VRK3: variants seen among roughly 807,000 people sequenced by gnomAD.
VRK3 encodes VRK serine/threonine kinase 3.
Under a neutral mutation model 60.4 loss-of-function variants are expected in VRK3, and 50 were observed. The observed-to-expected ratio is 0.83, with a 90% CI of 0.66 to 1.05. The LOEUF is 1.05. Among genes scored for constraint, VRK3 ranks in the 50% least tolerant of loss-of-function variants. VRK3 has a pLI of 0.00. For missense variants in VRK3, 549 were observed against 585.3 expected (o/e 0.94, Z 0.64); for synonymous variants, 246 against 227.8 (o/e 1.08, Z -0.72).
chr19:49,980,747 C>CA (rs976399888), intron 13 of VRK3, among the ~76,000 whole-genome samples: 2 of 150,532 alleles, frequency 1.3e-5, no homozygotes, highest in Non-Finnish European at 2.9e-5. Context: ...ACCCTGTCTT[C>CA]AAAAAAAAGT....
chr19:50,021,350 C>T (rs563669584), intron 1 of VRK3, among the ~76,000 whole-genome samples: 10 of 152,244 alleles, frequency 6.6e-5, no homozygotes, highest in Admixed American at 3.9e-4. Context: ...AATAGAGGAC[C>T]GGCAGCAGTA....
chr19:49,987,199 T>C (rs1209862524), intron 12 of VRK3, among the ~76,000 whole-genome samples: 1 of 152,180 alleles, frequency 6.6e-6, no homozygotes, highest in Non-Finnish European at 1.5e-5. Context: ...ATGTCTGAAG[T>C]GCATGCCTAG....
At position 49,997,505 on chromosome 19, in the gene VRK3, T is replaced by A; in HGVS notation, c.678A>T (p.Gln226His). The A allele has an allele frequency of 6.2e-7, 1 of 1,613,916 alleles. No homozygotes were observed. Among genetic ancestry groups the A allele is most frequent in the East Asian group, 2.2e-5 (1 of 44,870 alleles). The part of the protein sequence containing the change: ...NFFQRAAKPL[Q>H]VNKWKKLYST... The stretch of plus-strand genomic sequence containing the variant: ...CTTGCCCAGTTCCCTGTCAGGTACC[T>A]TGCAGAGGCTTGGCGGCCCGCTGGA... Residue 226 changes from glutamine to histidine, a missense_variant and splice_region_variant, in exon 7 of 15, where the codon CAA becomes CAT. Transcript: ENST00000316763.
chr19:49,977,739 T>C (rs2076354818), intron 14 of VRK3, among the ~76,000 whole-genome samples: 1 of 151,910 alleles, frequency 6.6e-6, no homozygotes, highest in Non-Finnish European at 1.5e-5. Flanking sequence ...CCTGGATAAC[T>C]GGGTACACGG....
intron 13 of VRK3, 36 bp downstream of exon 13, chr19:49,980,919 G>A (rs746346477): frequency 1.9e-5 from 30 of 1,590,380 alleles, no homozygotes; most frequent in Middle Eastern, 3.3e-4. Flanking sequence ...GGTCCTGCCC[G>A]AGTCCCCGCC....
chr19:49,981,739 G>A, intron 12 of VRK3: 2 of 1,013,914 alleles, frequency 2.0e-6, no homozygotes, highest in Non-Finnish European at 2.4e-6. Context: ...CAGGTCCTGG[G>A]GGCACACCGC....
chr19:49,980,012 C>T (rs938839921), intron 13 of VRK3, among the ~76,000 whole-genome samples: 3 of 151,680 alleles, frequency 2.0e-5, no homozygotes, highest in South Asian at 2.1e-4. Context: ...ATCACGCCAC[C>T]GCACTCCAGC....
At chr19:49,982,170 A>C in intron 12 of VRK3, 1 of 703,024 alleles carries the variant, frequency 1.4e-6, no homozygotes, top group Non-Finnish European at 2.6e-6. Flanking sequence ...GCTTACATTA[A>C]AATGAATCCC....
chr19:49,977,079 T>C (rs559566404), intron 14 of VRK3, among the ~76,000 whole-genome samples: 3 of 152,028 alleles, frequency 2.0e-5, no homozygotes, highest in African/African-American at 4.8e-5. Flanking sequence ...TCATGGAGGA[T>C]GGGGAAGGCC....
intron 3 of VRK3, among the ~76,000 whole-genome samples, chr19:50,013,040 G>C (rs60144067): frequency 7.2e-4 from 109 of 152,158 alleles, no homozygotes; most frequent in Middle Eastern, 3.4e-3. Flanking sequence ...GGTGGTGGGC[G>C]CCTGTAGTCC....
At chr19:50,002,778 T>A (rs2076831119) in intron 5 of VRK3, among the ~76,000 whole-genome samples, 1 of 152,100 alleles carries the variant, frequency 6.6e-6, no homozygotes, top group Admixed American at 6.5e-5. Flanking sequence ...CTCTAGACTC[T>A]GTGATCTAGG....
intron 14 of VRK3, chr19:49,978,866 C>A: frequency 2.2e-6 from 1 of 453,428 alleles, no homozygotes; most frequent in Admixed American, 3.8e-5. Flanking sequence ...AATCAATCCC[C>A]ACTTTTCTTA....
chr19:49,990,398 T>A (rs752199301), intron 10 of VRK3, among the ~76,000 whole-genome samples: 1 of 152,206 alleles, frequency 6.6e-6, no homozygotes, highest in Non-Finnish European at 1.5e-5. Flanking sequence ...ATCTACTTAT[T>A]TATTTTGAGA....
intron 1 of VRK3, among the ~76,000 whole-genome samples, chr19:50,024,590 C>T (rs1028723678): frequency 1.4e-4 from 21 of 152,186 alleles, no homozygotes; most frequent in Admixed American, 6.5e-4. Context: ...TTGTTTTAGA[C>T]ACTGCTATAA....
At chr19:49,988,321 G>T in intron 12 of VRK3, 51 bp downstream of exon 12, 1 of 1,556,548 alleles carries the variant, frequency 6.4e-7, no homozygotes, top group Non-Finnish European at 8.6e-7. Flanking sequence ...CTGTCCACCT[G>T]CAGGGGTTCT....
chr19:49,984,053 C>T (rs374488948), intron 12 of VRK3, among the ~76,000 whole-genome samples: 3 of 152,130 alleles, frequency 2.0e-5, no homozygotes, highest in Admixed American at 6.5e-5. Context: ...ACCATGTTGG[C>T]GAGTGCAGAC....
chr19:49,989,642 A>G lies in VRK3; in HGVS notation c.1093T>C (p.Cys365Arg). 1.2e-6 allele frequency: 2 copies of G among 1,607,832 alleles called. No individual in the cohort carries two copies. Among genetic ancestry groups the G allele is most frequent in the Non-Finnish European group, 1.7e-6 (2 of 1,175,894 alleles). The change falls in exon 11 of 15, where the codon TGC becomes CGC. Residue 365 changes from cysteine to arginine, a missense_variant. Physicochemically the swap from Cys to Arg is radical, Grantham distance 180. Coordinates refer to ENST00000316763, the MANE Select transcript of VRK3 (RefSeq NM_016440.4). ...EFISMDLHKGCGPSRRSDLQS... is the reference protein window; with the variant it reads ...EFISMDLHKGRGPSRRSDLQS... ...AAACCCATCCCTGGCCTCGTACCGCATCCCTTGTGCAGGTCCATGCTAATG... is the reference window on the plus strand; with the variant it reads ...AAACCCATCCCTGGCCTCGTACCGCGTCCCTTGTGCAGGTCCATGCTAATG...
At chr19:50,015,993 G>A (rs889508551) in intron 3 of VRK3, 31 bp downstream of exon 3, 11 of 1,613,758 alleles carry the variant, frequency 6.8e-6, no homozygotes, top group Admixed American at 3.3e-5. Context: ...TATTCCCACC[G>A]CAGAAACAGG....
Position 49,988,508 on chromosome 19 carries a change from T to G in VRK3, c.1097-16A>C. On this transcript the variant is annotated splice_polypyrimidine_tract_variant and intron_variant, in intron 11 of 14. Coordinates refer to ENST00000316763, the MANE Select transcript of VRK3 (RefSeq NM_016440.4). ...CGGGAGGGCCCTGGGGAAGGAGGAG[T>G]AAAGGTGGCAGCTCAAGTCTGGACG... 6.2e-7 allele frequency: 1 copy of G among 1,610,190 alleles called. No homozygotes were observed. The highest frequency in any genetic ancestry group is 8.5e-7 in the Non-Finnish European group (1 of 1,178,354).
Sources: gnomAD v4.1 joint callset for allele counts (sites outside exome capture counted in the v4.1 genomes callset) on GRCh38, gnomAD v4.1.1 for gene constraint, MANE v1.5 for transcripts, NCBI Gene and HGNC (gene_info 2026-07-23, HGNC 2026-07-21) for gene names.